SH2B1: variants seen among roughly 807,000 people sequenced by gnomAD.
SH2B1 encodes SH2B adapter protein 1.
In SH2B1, 15 loss-of-function variants were observed where a neutral mutation model predicts 62.6. The observed-to-expected ratio is 0.24, with a 90% CI of 0.16 to 0.37. SH2B1 has a LOEUF of 0.37. SH2B1 is among the 10% of genes least tolerant of loss of function. The pLI, the probability that SH2B1 is intolerant of heterozygous loss-of-function variation, is 1.00. For missense variants in SH2B1, 925 were observed against 1,015.6 expected (o/e 0.91, Z 1.21); for synonymous variants, 443 against 438.0 (o/e 1.01, Z -0.14).
chr16:28,864,635 C>T lies in SH2B1; in HGVS notation c.-1460C>T, dbSNP rs993405245. ...GTCGCTGAGGGTTTGGGGAGGCTTT[C>T]CTGAGCTGCTCTGGCCCCAGTCCTG... On this transcript the variant is annotated 5_prime_UTR_variant, in exon 1 of 8. Transcript: ENST00000684370. 7 of 985,322 alleles carry T rather than the reference C, an allele frequency of 7.1e-6. No individual in the cohort carries two copies. The highest frequency in any genetic ancestry group is 6.2e-5 in the Admixed American group (1 of 16,222). 61.0% of individuals were successfully genotyped at this position (985,322 alleles called of 1,614,324 possible). A position where few individuals can be genotyped will look rare whatever the true frequency, so the allele number is the denominator to read the frequency against.
In SH2B1 at chr16:28,873,846, T is replaced by C; in HGVS notation, c.*26T>C. On this transcript the variant is annotated 3_prime_UTR_variant, in exon 8 of 8. Coordinates refer to ENST00000684370, the MANE Select transcript of SH2B1 (RefSeq NM_001387430.1). The surrounding 1 kb of genome is among the most constrained non-coding windows in gnomAD (Gnocchi z 4.2). ...GCCAACCCCACCCGCTCCACCCTTT[T>C]TAAACCCCCCAGCCCTGCTCGTGAG... The C allele has an allele frequency of 7.1e-7, 1 of 1,415,250 alleles. No homozygotes were observed. Among genetic ancestry groups the C allele is most frequent in the Non-Finnish European group, 9.2e-7 (1 of 1,087,602 alleles). 87.7% of individuals were successfully genotyped at this position (1,415,250 alleles called of 1,614,324 possible).
upstream of SH2B1, chr16:28,863,785 G>T: frequency 6.5e-7 from 1 of 1,535,502 alleles, no homozygotes. Context: ...CCCTCCCGCC[G>T]CTGTTCTCTA....
chr16:28,869,029 C>A lies in SH2B1; in HGVS notation c.1065C>A (p.Ile355=). The change falls in exon 3 of 8, where the codon ATC becomes ATA. Residue 355 remains isoleucine (I), a synonymous_variant. Coordinates refer to ENST00000684370, the MANE Select transcript of SH2B1 (RefSeq NM_001387430.1). ...AGGTGGAAGGTCCATCCGAGTATAT[C>A]ATGGAGACAGTGGATGCCCAGCATG... is the stretch of plus-strand genomic sequence containing the variant. The part of the protein sequence containing the change: ...VVKVEGPSEY[I]METVDAQHVK... The A allele has an allele frequency of 2.5e-6, 4 of 1,614,112 alleles. No homozygotes were observed. Among genetic ancestry groups the A allele is most frequent in the Non-Finnish European group, 3.4e-6 (4 of 1,179,962 alleles).
Position 28,865,783 on chromosome 16 carries a change from T to C in SH2B1, c.-312T>C. The C allele has an allele frequency of 8.7e-7, 1 of 1,150,548 alleles. No homozygotes were observed. Among genetic ancestry groups the C allele is most frequent in the South Asian group, 3.6e-5 (1 of 27,826 alleles). 71.3% of individuals were successfully genotyped at this position (1,150,548 alleles called of 1,614,324 possible). A position where few individuals can be genotyped will look rare whatever the true frequency, so the allele number is the denominator to read the frequency against. On this transcript the variant is annotated 5_prime_UTR_variant, in exon 1 of 8. Transcript: ENST00000684370. ...CTGCTGGATCCAAAGCTAAGGAAAG[T>C]GGGGGCAAATGTGGCAGGCTCGGGG... is the stretch of plus-strand genomic sequence containing the variant.
Position 28,851,768 on chromosome 16 carries a change from T to A in SH2B1, c.-301+4941T>A, listed in dbSNP as rs554104865. 5.3e-3 allele frequency among the ~76,000 whole-genome samples: 782 copies of A among 147,714 alleles called. 72 individuals are homozygous for A. The South Asian group carries it at 0.16, about 31-fold the overall frequency. On this transcript the variant is annotated intron_variant, in intron 1 of 10. Coordinates refer to the SH2B1 transcript ENST00000322610. ...ATGAGCCACCGCGCCTGGCCTTTTT[T>A]AAAAAAAATACATATATTGGCCAGG...
chr16:28,850,389 T>A (rs1962067310), intron 1 of SH2B1, among the ~76,000 whole-genome samples: 1 of 152,162 alleles, frequency 6.6e-6, no homozygotes, highest in Admixed American at 6.6e-5. Flanking sequence ...TGAGACCTTG[T>A]CTCTACAAAC....
chr16:28,849,320 T>C (rs1962048896), intron 1 of SH2B1, among the ~76,000 whole-genome samples: 1 of 151,644 alleles, frequency 6.6e-6, no homozygotes, highest in Non-Finnish European at 1.5e-5. Flanking sequence ...GGTCTCCCAA[T>C]ACCGGGGCCC....
chr16:28,852,355 T>TAC (rs1437085341), intron 1 of SH2B1, among the ~76,000 whole-genome samples: 1 of 18,352 alleles, frequency 5.4e-5, no homozygotes, highest in African/African-American at 2.7e-4. Flanking sequence ...TATATATTTA[T>TAC]ATATATATTT....
chr16:28,861,347 G>A (rs1262186231), upstream of SH2B1, among the ~76,000 whole-genome samples: 1 of 152,098 alleles, frequency 6.6e-6, no homozygotes, highest in Admixed American at 6.5e-5. Context: ...TGGCCAGGAT[G>A]GTCTTGAACT....
chr16:28,860,686 C>A (rs186720874), upstream of SH2B1, among the ~76,000 whole-genome samples: 1 of 152,210 alleles, frequency 6.6e-6, no homozygotes, highest in African/African-American at 2.4e-5. Flanking sequence ...TGATCCCCCA[C>A]GGATCCCTTT....
chr16:28,856,758 TA>T (rs1409787069), intron 1 of SH2B1, among the ~76,000 whole-genome samples: 2 of 152,118 alleles, frequency 1.3e-5, no homozygotes, highest in African/African-American at 4.8e-5. Flanking sequence ...TCTCTCTGGT[TA>T]AACCCCTTGG....
intron 1 of SH2B1, among the ~76,000 whole-genome samples, chr16:28,848,497 G>A (rs1055132455): frequency 6.6e-6 from 1 of 151,864 alleles, no homozygotes; most frequent in African/African-American, 2.4e-5. Context: ...CTCTGAACTA[G>A]AGCTTTATGA....
chr16:28,860,539 A>G (rs11861132), upstream of SH2B1, among the ~76,000 whole-genome samples: 51,529 of 151,312 alleles, frequency 0.34, 9,358 homozygotes, highest in Admixed American at 0.41. Flanking sequence ...CACCGTGCCC[A>G]GCCTCCTCCC....
chr16:28,852,233 C>CATATATATATTTACAT (rs1962120766), intron 1 of SH2B1, among the ~76,000 whole-genome samples: 3 of 65,520 alleles, frequency 4.6e-5, no homozygotes, highest in Non-Finnish European at 7.9e-5. Context: ...TATATATTTA[C>CATATATATATTTACAT]ATATATATAT....
chr16:28,852,507 T>C lies in SH2B1; in HGVS notation c.-301+5680T>C, dbSNP rs1468093226. ...ATATATACATACATATATTTATATA[T>C]ATACACATATATTTATATATATACA... On this transcript the variant is annotated intron_variant, in intron 1 of 10. Coordinates refer to the SH2B1 transcript ENST00000322610. Among the ~76,000 whole-genome samples the C allele has an allele frequency of 1.7e-4, 10 of 60,020 alleles. 4 individuals are homozygous for C. The highest frequency in any genetic ancestry group is 1.0e-3 in the African/African-American group (9 of 8,988). 39.4% of individuals were successfully genotyped at this position (60,020 alleles called of 152,430 possible).
Position 28,871,859 on chromosome 16 carries a change from C to G in SH2B1, c.1389C>G (p.Asp463Glu). 6.2e-7 allele frequency: 1 copy of G among 1,611,682 alleles called. No individual in the cohort carries two copies. The highest frequency in any genetic ancestry group is 8.5e-7 in the Non-Finnish European group (1 of 1,177,786). The change falls in exon 5 of 8, where the codon GAC becomes GAG. Residue 463 changes from aspartate to glutamate, a missense_variant. Asp to Glu is a conservative substitution (Grantham distance 45). Coordinates refer to ENST00000684370, the MANE Select transcript of SH2B1 (RefSeq NM_001387430.1). ...CCTCCATTGCCGCCTCCCATTTTGA[C>G]TCGATGGAACTGCTTCCCCCAGAGT... ...SSASIAASHF[D>E]SMELLPPELP...
At position 28,865,313 on chromosome 16, in the gene SH2B1, G is replaced by C; in HGVS notation, c.-782G>C. On this transcript the variant is annotated 5_prime_UTR_variant, in exon 1 of 8. Coordinates refer to ENST00000684370, the MANE Select transcript of SH2B1 (RefSeq NM_001387430.1). ...TCCTTCACGCAGTGCGTGGGTGCTGGACTCTGGGGTCAGCTTTCAAGACAA... is the reference window on the plus strand; with the variant it reads ...TCCTTCACGCAGTGCGTGGGTGCTGCACTCTGGGGTCAGCTTTCAAGACAA... 5 of 985,686 alleles carry C rather than the reference G, an allele frequency of 5.1e-6. No homozygotes were observed. The highest frequency in any genetic ancestry group is 6.0e-6 in the Non-Finnish European group (5 of 829,996). 61.1% of individuals were successfully genotyped at this position (985,686 alleles called of 1,614,324 possible).
At position 28,866,329 on chromosome 16, in the gene SH2B1, G is replaced by A; in HGVS notation, c.235G>A (p.Glu79Lys). ...AELFLQHFEA[E>K]VARASGSLSP... ...GCTCTTCCTGCAGCACTTTGAAGCC[G>A]AGGTGGCCCGGGCCTCTGGCTCCCT... is the stretch of plus-strand genomic sequence containing the variant. Residue 79 changes from glutamate (E) to lysine (K), a missense_variant, in exon 1 of 8, where the codon GAG becomes AAG. By Grantham distance (56) the Glu-to-Lys change is moderately conservative. Around this residue, in one of 3 missense-constraint regions of SH2B1, gnomAD observed 683 missense variants for 704.0 expected, o/e 0.97. Coordinates refer to ENST00000684370, the MANE Select transcript of SH2B1 (RefSeq NM_001387430.1). This position sits in a 1 kb window ranked among gnomAD's most constrained non-coding sequence, Gnocchi z 6.3. 6.2e-7 allele frequency: 1 copy of A among 1,612,184 alleles called. No individual in the cohort carries two copies.
At chr16:28,849,355 T>C (rs1325435291) in intron 1 of SH2B1, among the ~76,000 whole-genome samples, 1 of 152,082 alleles carries the variant, frequency 6.6e-6, no homozygotes, top group Non-Finnish European at 1.5e-5. Flanking sequence ...CCTTGGCCTC[T>C]CAAAATGCTG....
Sources: allele counts gnomAD v4.1 joint callset (sites outside exome capture counted in the v4.1 genomes callset), GRCh38; gene constraint gnomAD v4.1.1; regional missense constraint gnomAD v4.1.1; non-coding constraint Gnocchi (gnomAD v3.1); transcripts MANE v1.5; gene names NCBI Gene and HGNC (gene_info 2026-07-23, HGNC 2026-07-21).